The following SSU72 variants were observed in gnomAD, a reference collection of about 807,000 sequenced individuals.
The protein encoded by SSU72 is RNA polymerase II subunit A C-terminal domain phosphatase SSU72.
In SSU72, 12 loss-of-function variants were observed where a neutral mutation model predicts 22.7. The ratio of observed to expected loss-of-function variants is 0.53; its 90% confidence interval spans 0.34 to 0.86. SSU72 has a LOEUF of 0.86. SSU72 is among the 40% of genes least tolerant of loss of function. SSU72 has a pLI of 0.02. For synonymous variants in SSU72, 116 were observed against 98.3 expected, an observed-to-expected ratio of 1.18 and a Z score of -1.06; for missense variants, 151 against 249.8, an observed-to-expected ratio of 0.60 and a Z score of 2.67.
intron 2 of SSU72, among the ~76,000 whole-genome samples, chr1:1,558,545 C>T (rs777501134): frequency 6.6e-6 from 1 of 152,200 alleles, no homozygotes; most frequent in Non-Finnish European, 1.5e-5. Context: ...CACAGGACAA[C>T]AGTCACATTA....
At chr1:1,545,215 T>C (rs1642376318) in intron 2 of SSU72, 1 of 564,344 alleles carries the variant, frequency 1.8e-6, no homozygotes, top group Admixed American at 3.2e-5. Context: ...TGGCAGGTGC[T>C]TGCTCCTCGC....
chr1:1,559,305 C>A (rs1642556806), intron 2 of SSU72, among the ~76,000 whole-genome samples: 3 of 152,174 alleles, frequency 2.0e-5, no homozygotes, highest in Non-Finnish European at 2.9e-5. Flanking sequence ...CTGCTACAGG[C>A]ACTGGGAGGA....
At chr1:1,559,976 C>A (rs1274111571) in intron 2 of SSU72, among the ~76,000 whole-genome samples, 1 of 152,154 alleles carries the variant, frequency 6.6e-6, no homozygotes, top group African/African-American at 2.4e-5. Flanking sequence ...CCGCCCACCT[C>A]GGCCTCCCAA....
chr1:1,563,678 CCT>C (rs1642623509), intron 2 of SSU72: 1 of 152,164 alleles, frequency 6.6e-6, no homozygotes, highest in Admixed American at 6.6e-5. Flanking sequence ...ATGGTGAAAC[CCT>C]GTGACTACTA....
At chr1:1,562,410 G>T (rs1570395120) in intron 2 of SSU72, 1 of 152,290 alleles carries the variant, frequency 6.6e-6, no homozygotes. Context: ...CCAGGGCGAT[G>T]GGAAGACCCA....
chr1:1,550,638 G>C (rs1642445045), intron 2 of SSU72, among the ~76,000 whole-genome samples: 1 of 152,164 alleles, frequency 6.6e-6, no homozygotes. Context: ...CCGGGCCCAG[G>C]GAGTCAGGAC....
chr1:1,546,414 C>G (rs985131199), intron 2 of SSU72: 1 of 152,236 alleles, frequency 6.6e-6, no homozygotes, highest in Non-Finnish European at 1.5e-5. Flanking sequence ...CCTGTGTCCC[C>G]GAGGCCCCTG....
Sources: gnomAD v4.1 joint callset for allele counts (sites outside exome capture counted in the v4.1 genomes callset) on GRCh38, gnomAD v4.1.1 for gene constraint, MANE v1.5 for transcripts, NCBI Gene and HGNC (gene_info 2026-07-23, HGNC 2026-07-21) for gene names.